UBE2E2: variants seen among roughly 807,000 people sequenced by gnomAD.
The protein encoded by UBE2E2 is ubiquitin conjugating enzyme E2 E2, also known as ubiquitin-conjugating enzyme E2 E2.
UBE2E2 carries 6 observed loss-of-function variants against 24.7 expected under a neutral mutation model. The ratio of observed to expected loss-of-function variants is 0.24; its 90% CI spans 0.13 to 0.48. UBE2E2 has a LOEUF of 0.48. Among genes scored for constraint, UBE2E2 ranks in the 20% least tolerant of loss-of-function variants. The probability of loss-of-function intolerance (pLI) is 0.99; values close to 1 mark genes in which losing one functional copy is unlikely to be tolerated. For synonymous variants in UBE2E2, 104 were observed against 83.6 expected (o/e 1.24, Z -1.33); for missense variants, 169 against 245.0 (o/e 0.69, Z 2.07).
chr3:23,208,980 C>T (rs1696236987), intron 2 of UBE2E2, 105 bp downstream of exon 2: 1 of 1,215,882 alleles, frequency 8.2e-7, no homozygotes, highest in African/African-American at 1.6e-5. Context: ...CGGCCGTGAA[C>T]TTCATGGATT....
rs1406506227 is a variant in UBE2E2 at position 23,407,483 on chromosome 3, T to C, written c.228-92125T>C. Among the ~76,000 whole-genome samples the C allele has an allele frequency of 6.6e-6, 1 of 152,136 alleles. No homozygotes were observed. The highest frequency in any genetic ancestry group is 1.5e-5 in the Non-Finnish European group (1 of 68,002). Reference sequence around the variant, plus strand: ...CTGAAAATGTTCAAACATACACAAATGTAAAGAATTGATCCCCTGCTCCCG... The same window carrying C: ...CTGAAAATGTTCAAACATACACAAACGTAAAGAATTGATCCCCTGCTCCCG... On this transcript the variant is annotated intron_variant, in intron 3 of 5. Coordinates refer to ENST00000396703, the MANE Select transcript of UBE2E2 (RefSeq NM_152653.4). The surrounding 1 kb of genome is among the most constrained non-coding windows in gnomAD (Gnocchi z 4.0).
chr3:23,226,143 T>C (rs892189405), intron 3 of UBE2E2, among the ~76,000 whole-genome samples: 7 of 152,198 alleles, frequency 4.6e-5, no homozygotes, highest in African/African-American at 1.7e-4. Context: ...CCTCCTAAAG[T>C]GCTGGGTTTA....
At chr3:23,350,780 G>A (rs1299656383) in intron 3 of UBE2E2, among the ~76,000 whole-genome samples, 2 of 152,198 alleles carry the variant, frequency 1.3e-5, no homozygotes, top group Admixed American at 6.5e-5. Flanking sequence ...TGAAAGTGAC[G>A]GGGAGAAAGG....
chr3:23,564,333 G>A (rs1696011033), intron 5 of UBE2E2, among the ~76,000 whole-genome samples: 1 of 152,124 alleles, frequency 6.6e-6, no homozygotes, highest in African/African-American at 2.4e-5. Flanking sequence ...AGGTGGAGCT[G>A]TTTTAAGCAT....
intron 3 of UBE2E2, among the ~76,000 whole-genome samples, chr3:23,225,182 TTGGATA>T (rs1324987438): frequency 6.6e-6 from 1 of 152,142 alleles, no homozygotes; most frequent in Non-Finnish European, 1.5e-5. Flanking sequence ...AAAATACATT[TTGGATA>T]TAAGTCCTGT....
At chr3:23,225,356 T>A (rs1470277056) in intron 3 of UBE2E2, among the ~76,000 whole-genome samples, 1 of 152,178 alleles carries the variant, frequency 6.6e-6, no homozygotes, top group East Asian at 1.9e-4. Context: ...GTGTCATATC[T>A]TAGAAACCAT....
At chr3:23,466,219 G>C (rs956558477) in intron 3 of UBE2E2, among the ~76,000 whole-genome samples, 2 of 152,114 alleles carry the variant, frequency 1.3e-5, no homozygotes, top group Middle Eastern at 3.2e-3. Context: ...GGTTAAACTA[G>C]GTATTTTATT....
At chr3:23,302,664 C>T (rs1699130685) in intron 3 of UBE2E2, among the ~76,000 whole-genome samples, 1 of 152,180 alleles carries the variant, frequency 6.6e-6, no homozygotes, top group Non-Finnish European at 1.5e-5. Context: ...TTGTGATTTG[C>T]CCTTGATCAT....
chr3:23,424,293 A>G (rs1230137683), intron 3 of UBE2E2, among the ~76,000 whole-genome samples: 4 of 152,184 alleles, frequency 2.6e-5, no homozygotes, highest in African/African-American at 9.6e-5. Context: ...TGCAGTTACC[A>G]TGTTAAGGTA....
intron 3 of UBE2E2, among the ~76,000 whole-genome samples, chr3:23,275,569 G>GACTT (rs1392131138): frequency 2.0e-5 from 3 of 152,200 alleles, no homozygotes; most frequent in African/African-American, 7.2e-5. Context: ...TAAAAAGAAT[G>GACTT]ACTTACCTGC....
chr3:23,516,852 T>G (rs146879568), intron 4 of UBE2E2, among the ~76,000 whole-genome samples: 2 of 152,274 alleles, frequency 1.3e-5, no homozygotes, highest in African/African-American at 4.8e-5. Context: ...TCCATCTAAT[T>G]GTGGGACCTC....
At chr3:23,490,744 A>AT (rs1410560582) in intron 3 of UBE2E2, among the ~76,000 whole-genome samples, 3 of 152,074 alleles carry the variant, frequency 2.0e-5, no homozygotes, top group African/African-American at 7.2e-5. Context: ...AGTAGTAGTT[A>AT]TTTTTTCATT....
intron 3 of UBE2E2, among the ~76,000 whole-genome samples, chr3:23,483,424 A>G (rs924058637): frequency 1.3e-5 from 2 of 152,344 alleles, no homozygotes; most frequent in East Asian, 3.9e-4. Flanking sequence ...CTTAATTCTT[A>G]TTATAACTTC....
At chr3:23,243,030 G>T (rs1697297595) in intron 3 of UBE2E2, among the ~76,000 whole-genome samples, 1 of 151,632 alleles carries the variant, frequency 6.6e-6, no homozygotes, top group African/African-American at 2.4e-5. Context: ...AGGTTGCAGT[G>T]AGCTGAGATC....
At chr3:23,550,363 T>C (rs1477918238) in intron 5 of UBE2E2, among the ~76,000 whole-genome samples, 1 of 152,200 alleles carries the variant, frequency 6.6e-6, no homozygotes, top group Non-Finnish European at 1.5e-5. Context: ...AATTGCCTTA[T>C]TTCAAGCCCA....
At chr3:23,301,243 C>T (rs2085346090) in intron 3 of UBE2E2, among the ~76,000 whole-genome samples, 1 of 152,174 alleles carries the variant, frequency 6.6e-6, no homozygotes, top group South Asian at 2.1e-4. Context: ...CCTCCTGTAG[C>T]TCAGAGTAGT....
chr3:23,307,443 A>T (rs576376901), intron 3 of UBE2E2, among the ~76,000 whole-genome samples: 9 of 152,222 alleles, frequency 5.9e-5, no homozygotes, highest in Admixed American at 3.3e-4. Flanking sequence ...TACTCCCTGT[A>T]CCTCCATAAT....
intron 2 of UBE2E2, among the ~76,000 whole-genome samples, chr3:23,213,991 T>A (rs1053067729): frequency 6.6e-6 from 1 of 152,196 alleles, no homozygotes; most frequent in Admixed American, 6.5e-5. Flanking sequence ...TCACAACTTT[T>A]GAGATAGAAT....
At chr3:23,426,549 C>T (rs1697930746) in intron 3 of UBE2E2, among the ~76,000 whole-genome samples, 1 of 152,042 alleles carries the variant, frequency 6.6e-6, no homozygotes, top group Non-Finnish European at 1.5e-5. Flanking sequence ...TCCAACATTT[C>T]CTCAGAAACC....
Sources: gnomAD v4.1 joint callset for allele counts (sites outside exome capture counted in the v4.1 genomes callset) on GRCh38, gnomAD v4.1.1 for gene constraint, Gnocchi (gnomAD v3.1) non-coding constraint, MANE v1.5 for transcripts, NCBI Gene and HGNC (gene_info 2026-07-23, HGNC 2026-07-21) for gene names.